The following PTK2 variants were observed in gnomAD, a reference collection of about 807,000 sequenced individuals.
PTK2 encodes protein tyrosine kinase 2, also known as focal adhesion kinase 1.
In PTK2, 45 loss-of-function variants were observed where a neutral mutation model predicts 150.1. That is an observed-to-expected ratio of 0.30 (90% CI 0.24 to 0.38). PTK2 has a LOEUF of 0.38. Among genes scored for constraint, PTK2 ranks in the 10% least tolerant of loss-of-function variants. The probability of loss-of-function intolerance (pLI) is 1.00; values close to 1 mark genes in which losing one functional copy is unlikely to be tolerated. For missense variants in PTK2, 919 were observed against 1,307.3 expected, an observed-to-expected ratio of 0.70 and a Z score of 4.58; for synonymous variants, 432 against 449.2, an observed-to-expected ratio of 0.96 and a Z score of 0.48.
At chr8:140,945,917 T>A (rs1236195569) in intron 1 of PTK2, among the ~76,000 whole-genome samples, 1 of 152,168 alleles carries the variant, frequency 6.6e-6, no homozygotes, top group African/African-American at 2.4e-5. Flanking sequence ...TCTCCATTCC[T>A]CCTCTGTCCT....
At position 140,731,666 on chromosome 8, in the gene PTK2, G is replaced by A. The variant is rs116478255; in HGVS notation, c.2030+3585C>T. Among the ~76,000 whole-genome samples the A allele has an allele frequency of 7.3e-3, 1,107 of 152,270 alleles. 10 individuals are homozygous for A. Among genetic ancestry groups the A allele is most frequent in the African/African-American group, 0.025 (1,022 of 41,544 alleles). The stretch of plus-strand genomic sequence containing the variant: ...TCTCAGTACTTTGAAAGGCCAAGGT[G>A]GGTGGATTGCTTGAGCTCAGGAGTT... On this transcript the variant is annotated intron_variant, in intron 22 of 31. Coordinates refer to ENST00000522684, the Ensembl canonical transcript of PTK2.
At chr8:140,745,057 C>T (rs1370339235) in intron 18 of PTK2, among the ~76,000 whole-genome samples, 1 of 144,504 alleles carries the variant, frequency 6.9e-6, no homozygotes, top group Non-Finnish European at 1.5e-5. Context: ...TGAACAAAAG[C>T]ACAGTACAAA....
intron 2 of PTK2, among the ~76,000 whole-genome samples, chr8:140,910,949 C>T (rs181432926): frequency 6.6e-6 from 1 of 152,286 alleles, no homozygotes; most frequent in African/African-American, 2.4e-5. Flanking sequence ...GTAATCACGG[C>T]TCACCGCAGC....
intron 23 of PTK2, among the ~76,000 whole-genome samples, chr8:140,709,813 G>A (rs2100035801): frequency 1.3e-5 from 2 of 152,124 alleles, no homozygotes; most frequent in South Asian, 4.1e-4. Context: ...TCTCCCTAAT[G>A]AGGAAGGAGA....
At chr8:140,966,130 T>C (rs1259800395) in intron 1 of PTK2, among the ~76,000 whole-genome samples, 1 of 152,184 alleles carries the variant, frequency 6.6e-6, no homozygotes, top group Non-Finnish European at 1.5e-5. Flanking sequence ...TTTCTTCTCT[T>C]CATTAAATAT....
At chr8:140,802,435 A>G (rs2100095662) in intron 11 of PTK2, among the ~76,000 whole-genome samples, 1 of 152,224 alleles carries the variant, frequency 6.6e-6, no homozygotes, top group South Asian at 2.1e-4. Context: ...TTATTACAAG[A>G]GTCAAAAAAG....
intron 4 of PTK2, 152 bp downstream of exon 4, chr8:140,879,315 ATCAT>A (rs1466451815): frequency 1.4e-6 from 1 of 722,732 alleles, no homozygotes; most frequent in African/African-American, 1.8e-5. Context: ...TCTAGAAGAG[ATCAT>A]TCGTTAATAA....
chr8:140,993,316 A>G (rs942765123), intron 1 of PTK2, among the ~76,000 whole-genome samples: 1 of 152,126 alleles, frequency 6.6e-6, no homozygotes. Flanking sequence ...CCTGGCCCCT[A>G]TGTGATTTTT....
rs1589152321 is a variant in PTK2, at chr8:140,669,716, G to T, written c.2710-1292C>A. On this transcript the variant is annotated intron_variant, in intron 29 of 31. Coordinates refer to ENST00000522684, the Ensembl canonical transcript of PTK2. ...GAGCTGGACAGACACACAAAGACACGATGTGCTTACCCTCCATGGCTATTG... is the reference window on the plus strand; with the variant it reads ...GAGCTGGACAGACACACAAAGACACTATGTGCTTACCCTCCATGGCTATTG... 1.6e-5 allele frequency: 25 copies of T among 1,533,650 alleles called. No homozygotes were observed. In the East Asian group the frequency reaches 6.1e-4, roughly 37 times the overall value.
intron 7 of PTK2, among the ~76,000 whole-genome samples, chr8:140,832,480 TTAAG>T (rs897894832): frequency 3.0e-4 from 46 of 152,068 alleles, no homozygotes; most frequent in African/African-American, 1.1e-3. Context: ...GTGCTGAGGT[TTAAG>T]TAAGACTGTT....
rs565163494 is a variant in PTK2 at position 140,690,024 on chromosome 8, C to T, written c.2500-3330G>A. 7.2e-5 allele frequency among the ~76,000 whole-genome samples: 11 copies of T among 152,356 alleles called. 1 individual carries two copies. Among genetic ancestry groups the T allele is most frequent in the African/African-American group, 2.6e-4 (11 of 41,582 alleles). Reference sequence around the variant, plus strand: ...CTGGAGTGCAGTGGCATGACCTCAGCTCACTGCAAGCTCTGCCTCCCGGGT... The same window carrying T: ...CTGGAGTGCAGTGGCATGACCTCAGTTCACTGCAAGCTCTGCCTCCCGGGT... On this transcript the variant is annotated intron_variant, in intron 26 of 31. Transcript: ENST00000522684.
intron 7 of PTK2, among the ~76,000 whole-genome samples, chr8:140,834,890 C>T (rs1419925336): frequency 6.6e-6 from 1 of 152,240 alleles, no homozygotes; most frequent in Non-Finnish European, 1.5e-5. Flanking sequence ...TCCCATTTAA[C>T]ACTCCACTGA....
intron 15 of PTK2, among the ~76,000 whole-genome samples, chr8:140,763,424 T>G (rs1332620731): frequency 6.6e-6 from 1 of 152,136 alleles, no homozygotes; most frequent in Non-Finnish European, 1.5e-5. Context: ...TTCTGAAGAC[T>G]CTTTAAAAGG....
chr8:140,931,568 T>TA (rs995715004), intron 1 of PTK2, among the ~76,000 whole-genome samples: 9 of 151,856 alleles, frequency 5.9e-5, no homozygotes, highest in Admixed American at 1.3e-4. Context: ...CTTGTGGTTT[T>TA]AAAAAAAATT....
intron 1 of PTK2, among the ~76,000 whole-genome samples, chr8:140,994,711 T>C (rs2100196959): frequency 6.6e-6 from 1 of 152,214 alleles, no homozygotes; most frequent in South Asian, 2.1e-4. Context: ...GATACACATT[T>C]ACTCTATAAA....
At chr8:140,926,472 C>G (rs547946662) in intron 1 of PTK2, among the ~76,000 whole-genome samples, 1 of 152,120 alleles carries the variant, frequency 6.6e-6, no homozygotes, top group South Asian at 2.1e-4. Context: ...ACCAATGGGA[C>G]AAAGAAAGGA....
At chr8:140,832,576 A>G (rs1480992959) in intron 7 of PTK2, among the ~76,000 whole-genome samples, 1 of 152,216 alleles carries the variant, frequency 6.6e-6, no homozygotes, top group Admixed American at 6.5e-5. Context: ...CTTCTGGTCC[A>G]CATGCCCTGT....
intron 10 of PTK2, among the ~76,000 whole-genome samples, chr8:140,814,484 G>A (rs1410110485): frequency 1.3e-5 from 2 of 152,136 alleles, no homozygotes; most frequent in African/African-American, 2.4e-5. Flanking sequence ...TTATTCCTGG[G>A]ATGCAAGGCT....
intron 1 of PTK2, among the ~76,000 whole-genome samples, chr8:140,988,712 G>A (rs2100194350): frequency 2.7e-5 from 3 of 110,736 alleles, no homozygotes; most frequent in South Asian, 6.2e-4. Context: ...CTGGGTTGCA[G>A]AGCAAGACTC....
Sources: gnomAD v4.1 joint callset for allele counts (sites outside exome capture counted in the v4.1 genomes callset) on GRCh38, gnomAD v4.1.1 for gene constraint, MANE v1.5 for transcripts, NCBI Gene and HGNC (gene_info 2026-07-23, HGNC 2026-07-21) for gene names.